Variants in LRRC49 observed in about 807,000 individuals in gnomAD.
LRRC49 encodes leucine rich repeat containing 49.
LRRC49 carries 50 observed loss-of-function variants against 83.3 expected under a neutral mutation model. That is an observed-to-expected ratio of 0.60 (90% CI 0.48 to 0.76). The LOEUF (loss-of-function observed/expected upper bound fraction) is 0.76. Ranked by LOEUF, LRRC49 falls within the 30% of genes least tolerant of loss-of-function variation. The pLI is 0.00. For synonymous variants in LRRC49, 286 were observed against 283.3 expected (o/e 1.01, Z -0.10); for missense variants, 704 against 809.1 (o/e 0.87, Z 1.58).
At chr15:71,031,751 T>C (rs1479030134) in intron 14 of LRRC49, among the ~76,000 whole-genome samples, 1 of 152,062 alleles carries the variant, frequency 6.6e-6, no homozygotes, top group Non-Finnish European at 1.5e-5. Context: ...CCAGAGTCAC[T>C]TTGCCATGCC....
chr15:70,911,554 G>T lies in LRRC49; in HGVS notation c.523G>T (p.Glu175Ter). ...KNRIKKISNL[E>*]NLKSLDVLDL... ...CAGAATCAAGAAAATCTCAAATCTG[G>T]AGAATCTAAAAAGCTTAGATGTCTT... The change falls in exon 6 of 16, where the codon GAG becomes TAG. Residue 175 changes from glutamate to a stop codon, truncating the protein, a stop_gained. Transcript: ENST00000260382. LOFTEE classifies it high-confidence loss of function. 6.3e-7 allele frequency: 1 copy of T among 1,581,240 alleles called. No homozygotes were observed. The highest frequency in any genetic ancestry group is 8.6e-7 in the Non-Finnish European group (1 of 1,161,236).
At chr15:70,897,422 A>C (rs987614584) in intron 3 of LRRC49, among the ~76,000 whole-genome samples, 6 of 152,164 alleles carry the variant, frequency 3.9e-5, no homozygotes, top group African/African-American at 1.4e-4. Context: ...ACTAATTTGA[A>C]ATGTCTTAAA....
At chr15:70,882,678 T>G in intron 2 of LRRC49, 1 of 1,611,234 alleles carries the variant, frequency 6.2e-7, no homozygotes, top group Non-Finnish European at 8.5e-7. Context: ...TAAGTACCTA[T>G]GAGTTAGACT....
At chr15:71,011,167 A>G (rs912317441) in intron 13 of LRRC49, among the ~76,000 whole-genome samples, 4 of 152,076 alleles carry the variant, frequency 2.6e-5, no homozygotes, top group African/African-American at 9.7e-5. Flanking sequence ...GTACTCATGT[A>G]TACTATTTGG....
At chr15:71,023,312 A>T (rs998304490) in intron 14 of LRRC49, among the ~76,000 whole-genome samples, 38 of 152,240 alleles carry the variant, frequency 2.5e-4, no homozygotes, top group African/African-American at 9.2e-4. Flanking sequence ...TATTAATGTA[A>T]AGCTGATTAT....
chr15:70,955,851 A>G (rs1466554947), intron 8 of LRRC49, among the ~76,000 whole-genome samples: 1 of 152,078 alleles, frequency 6.6e-6, no homozygotes, highest in Non-Finnish European at 1.5e-5. Context: ...TTACTCTTTA[A>G]TATTTGATCA....
intron 8 of LRRC49, among the ~76,000 whole-genome samples, chr15:70,939,509 T>C (rs1347985509): frequency 6.6e-6 from 1 of 152,168 alleles, no homozygotes; most frequent in Non-Finnish European, 1.5e-5. Context: ...TCCAGGTTAA[T>C]TTGCTGATTT....
intron 9 of LRRC49, among the ~76,000 whole-genome samples, chr15:70,969,208 C>T (rs2036903298): frequency 6.6e-6 from 1 of 152,156 alleles, no homozygotes; most frequent in African/African-American, 2.4e-5. Context: ...TATGGCTAGC[C>T]AGTTTTCCCA....
intron 5 of LRRC49, chr15:70,907,371 G>A (rs1460164278): frequency 6.6e-6 from 1 of 152,208 alleles, no homozygotes; most frequent in Admixed American, 6.5e-5. Context: ...AGCTAAGAAA[G>A]AACCTTGCTC....
rs527388174 is a variant in LRRC49 at position 70,862,493 on chromosome 15, G to A, written c.-299+9024G>A. Among the ~76,000 whole-genome samples, 4 of 145,498 alleles carry A rather than the reference G, an allele frequency of 2.7e-5. No individual in the cohort carries two copies. The South Asian group carries it at 8.7e-4, about 32-fold the overall frequency. ...CTCAGGAGGCTAAGGCAGGAGAATC[G>A]CTTGAACCCAGGAGGCAGAGGTTGC... On this transcript the variant is annotated intron_variant, in intron 1 of 16. Coordinates refer to the LRRC49 transcript ENST00000544974.
chr15:71,029,006 C>A (rs2039263745), intron 14 of LRRC49, among the ~76,000 whole-genome samples: 1 of 152,014 alleles, frequency 6.6e-6, no homozygotes, highest in South Asian at 2.1e-4. Flanking sequence ...TTTCTTTGCT[C>A]TTGTTTCTCT....
chr15:70,861,616 C>T (rs1171338805), intron 1 of LRRC49, among the ~76,000 whole-genome samples: 1 of 152,086 alleles, frequency 6.6e-6, no homozygotes, highest in Non-Finnish European at 1.5e-5. Context: ...AAGATAACGT[C>T]TTGCTCTCAT....
intron 10 of LRRC49, among the ~76,000 whole-genome samples, chr15:70,982,226 G>A (rs2037427623): frequency 6.6e-6 from 1 of 151,956 alleles, no homozygotes; most frequent in South Asian, 2.1e-4. Context: ...GTCATTCTGA[G>A]TATTTCTTTC....
At position 70,894,701 on chromosome 15, in the gene LRRC49, A is replaced by G. The variant is rs934523401; in HGVS notation, c.105+1061A>G. 6 of 961,010 alleles carry G rather than the reference A, an allele frequency of 6.2e-6. No individual in the cohort carries two copies. In the African/African-American group the frequency reaches 1.0e-4, roughly 16 times the overall value. The allele number at this position is 961,010 out of a possible 1,614,324, so 59.5% of individuals were successfully genotyped here. A position where few individuals can be genotyped will look rare whatever the true frequency, so the allele number is the denominator to read the frequency against. On this transcript the variant is annotated intron_variant, in intron 2 of 15. Coordinates refer to ENST00000260382, the MANE Select transcript of LRRC49 (RefSeq NM_017691.5). ...CCTAAAAAGTTATTAAATAGGCGTC[A>G]CTGGAAGAACTCTAAAGTGAAGGGC... is the stretch of plus-strand genomic sequence containing the variant.
chr15:71,009,347 C>T (rs757195350), intron 12 of LRRC49, among the ~76,000 whole-genome samples: 7 of 151,844 alleles, frequency 4.6e-5, no homozygotes, highest in Non-Finnish European at 7.4e-5. Flanking sequence ...AACTATCCTA[C>T]GTAGTGTTTG....
intron 2 of LRRC49, among the ~76,000 whole-genome samples, chr15:70,884,194 T>G (rs2033342657): frequency 6.6e-6 from 1 of 152,090 alleles, no homozygotes; most frequent in Non-Finnish European, 1.5e-5. Context: ...AAAAAATATT[T>G]TAGTAGGTGT....
chr15:70,908,828 G>A (rs1015978652), intron 5 of LRRC49, among the ~76,000 whole-genome samples: 8 of 152,182 alleles, frequency 5.3e-5, no homozygotes, highest in Admixed American at 1.3e-4. Flanking sequence ...GTTTCAGGAA[G>A]GGACTGTTAT....
chr15:71,053,107 G>A lies in LRRC49; in HGVS notation c.*3495G>A, dbSNP rs2040013421. ...AATGTGTAGAGAATCAACTTCAGGA[G>A]GGGGCAATAATTAAATTAGGGGGAC... On this transcript the variant is annotated 3_prime_UTR_variant, in exon 16 of 16. Transcript: ENST00000260382. 6.6e-6 allele frequency: 1 copy of A among 152,162 alleles called. No homozygotes were observed. The highest frequency in any genetic ancestry group is 1.5e-5 in the Non-Finnish European group (1 of 68,042). 9.4% of individuals were successfully genotyped at this position (152,162 alleles called of 1,614,324 possible).
intron 9 of LRRC49, among the ~76,000 whole-genome samples, chr15:70,968,951 T>C (rs1320262690): frequency 6.6e-6 from 1 of 152,202 alleles, no homozygotes; most frequent in Non-Finnish European, 1.5e-5. Context: ...ACTCTGATGA[T>C]AGTTTCTTTT....
Sources: allele counts gnomAD v4.1 joint callset (sites outside exome capture counted in the v4.1 genomes callset), GRCh38; gene constraint gnomAD v4.1.1; transcripts MANE v1.5; gene names NCBI Gene and HGNC (gene_info 2026-07-23, HGNC 2026-07-21).